Variants in OTUD7A observed in about 807,000 individuals in gnomAD.
OTUD7A encodes the protein OTU deubiquitinase 7A.
A neutral mutation model predicts 65.7 loss-of-function variants in OTUD7A; 12 were observed. That is an observed-to-expected ratio of 0.18 (90% CI 0.12 to 0.30). OTUD7A has a LOEUF of 0.30. Ranked by LOEUF, OTUD7A falls within the 10% of genes least tolerant of loss-of-function variation. The pLI, the probability that OTUD7A is intolerant of heterozygous loss-of-function variation, is 1.00. For synonymous variants in OTUD7A, 641 were observed against 586.3 expected (o/e 1.09, Z -1.35); for missense variants, 1,148 against 1,304.8 (o/e 0.88, Z 1.85).
chr15:31,655,076 G>C lies in OTUD7A; in HGVS notation c.151+20C>G. 6.2e-7 allele frequency: 1 copy of C among 1,610,560 alleles called. No individual in the cohort carries two copies. Among genetic ancestry groups the C allele is most frequent in the Non-Finnish European group, 8.5e-7 (1 of 1,178,542 alleles). ...GTTATGCCCAGAATGGTGGTGTGGG[G>C]AACAAGGAGGTGGGCTTACCTTCCA... On this transcript the variant is annotated intron_variant, in intron 3 of 12. Transcript: ENST00000307050.
chr15:31,633,570 C>G (rs980145940), intron 3 of OTUD7A, among the ~76,000 whole-genome samples: 5 of 152,172 alleles, frequency 3.3e-5, no homozygotes, highest in Non-Finnish European at 7.4e-5. Flanking sequence ...CCTTATATAG[C>G]TGCCTCCTGG....
chr15:31,727,988 G>A (rs1035807093), intron 1 of OTUD7A, among the ~76,000 whole-genome samples: 1 of 152,066 alleles, frequency 6.6e-6, no homozygotes, highest in African/African-American at 2.4e-5. Context: ...TCACCCAAAC[G>A]CCAACACTTT....
intron 1 of OTUD7A, among the ~76,000 whole-genome samples, chr15:31,860,681 A>ATATATATATATATATATATATGTATGTG (rs1897710495): frequency 9.2e-6 from 1 of 108,878 alleles, no homozygotes; most frequent in Admixed American, 9.6e-5. Flanking sequence ...ATGTGTGTAT[A>ATATATATATATATATATATATGTATGTG]TATATATATA....
intron 1 of OTUD7A, among the ~76,000 whole-genome samples, chr15:31,727,701 C>T (rs1189811567): frequency 6.6e-6 from 1 of 152,134 alleles, no homozygotes; most frequent in African/African-American, 2.4e-5. Context: ...GCCCTGTTAC[C>T]AATACTGTGG....
At position 31,754,035 on chromosome 15, in the gene OTUD7A, T is replaced by C. The variant is rs1196617453; in HGVS notation, c.-99-96958A>G. ...CATCCATGCCAACATCTACTATTTT[T>C]TGATTTTTTTGATTATGGCCATTCT... On this transcript the variant is annotated intron_variant, in intron 1 of 12. Transcript: ENST00000307050. Among the ~76,000 whole-genome samples, 7 of 152,168 alleles carry C rather than the reference T, an allele frequency of 4.6e-5. No homozygotes were observed. The East Asian group carries it at 1.4e-3, about 29-fold the overall frequency.
At chr15:31,616,023 T>A (rs1406089599) in intron 3 of OTUD7A, among the ~76,000 whole-genome samples, 2 of 152,168 alleles carry the variant, frequency 1.3e-5, no homozygotes, top group Non-Finnish European at 2.9e-5. Context: ...GGGCCTTTCT[T>A]CTCCCACCCC....
chr15:31,485,532 A>G (rs1595550423), intron 12 of OTUD7A, among the ~76,000 whole-genome samples: 1 of 151,268 alleles, frequency 6.6e-6, no homozygotes, highest in Non-Finnish European at 1.5e-5. Context: ...GATGAGGTCA[A>G]CCAGTCTGAG....
At chr15:31,601,001 A>G (rs1890057126) in intron 3 of OTUD7A, among the ~76,000 whole-genome samples, 1 of 152,162 alleles carries the variant, frequency 6.6e-6, no homozygotes, top group African/African-American at 2.4e-5. Flanking sequence ...ACTCCCACAC[A>G]ATAACAGTGG....
intron 5 of OTUD7A, among the ~76,000 whole-genome samples, chr15:31,551,361 T>C (rs1007613477): frequency 6.6e-6 from 1 of 152,182 alleles, no homozygotes; most frequent in Non-Finnish European, 1.5e-5. Context: ...GAGTGGTCAT[T>C]CCCAACTCCC....
At chr15:31,697,635 T>C (rs954496055) in intron 1 of OTUD7A, among the ~76,000 whole-genome samples, 59 of 152,014 alleles carry the variant, frequency 3.9e-4, no homozygotes, top group African/African-American at 1.4e-3. Context: ...CATTTCTGAG[T>C]GTCTCCTCGT....
intron 1 of OTUD7A, among the ~76,000 whole-genome samples, chr15:31,714,709 C>T (rs2174101): frequency 6.6e-6 from 1 of 151,978 alleles, no homozygotes; most frequent in African/African-American, 2.4e-5. Context: ...AACAGCATTA[C>T]TGGCATTCAG....
At chr15:31,620,215 A>G (rs1350957485) in intron 3 of OTUD7A, among the ~76,000 whole-genome samples, 1 of 151,290 alleles carries the variant, frequency 6.6e-6, no homozygotes, top group Non-Finnish European at 1.5e-5. Flanking sequence ...CAGGGATATT[A>G]GTCTAAAATT....
At chr15:31,610,617 A>ATATATATTTT in intron 3 of OTUD7A, among the ~76,000 whole-genome samples, 2 of 30,558 alleles carry the variant, frequency 6.5e-5, no homozygotes, top group Non-Finnish European at 9.8e-5. Context: ...ATATATATAT[A>ATATATATTTT]TTTTTTTTTT....
At chr15:31,501,072 T>C (rs2041458861) in intron 10 of OTUD7A, among the ~76,000 whole-genome samples, 1 of 152,274 alleles carries the variant, frequency 6.6e-6, no homozygotes, top group South Asian at 2.1e-4. Context: ...CTGAAATGGC[T>C]GCTTAGAGGA....
chr15:31,744,577 T>A (rs916385703), intron 1 of OTUD7A, among the ~76,000 whole-genome samples: 1 of 152,150 alleles, frequency 6.6e-6, no homozygotes, highest in African/African-American at 2.4e-5. Context: ...AGGGCATTTT[T>A]AAAAATTCTA....
intron 10 of OTUD7A, among the ~76,000 whole-genome samples, chr15:31,494,068 A>G (rs1439279751): frequency 1.3e-5 from 2 of 152,366 alleles, no homozygotes; most frequent in Non-Finnish European, 2.9e-5. Flanking sequence ...ATCAGGGCCA[A>G]TGGTGGCAGA....
intron 1 of OTUD7A, among the ~76,000 whole-genome samples, chr15:31,672,000 T>C (rs1327658481): frequency 6.6e-6 from 1 of 152,224 alleles, no homozygotes. Flanking sequence ...GCTCCCACTT[T>C]TAAGTAAGAA....
At chr15:31,550,224 C>T (rs1237288906) in intron 5 of OTUD7A, among the ~76,000 whole-genome samples, 1 of 152,024 alleles carries the variant, frequency 6.6e-6, no homozygotes, top group African/African-American at 2.4e-5. Context: ...AATGTTTTAG[C>T]CCAATAATGA....
At chr15:31,779,885 G>A (rs1245287865) in intron 1 of OTUD7A, among the ~76,000 whole-genome samples, 8 of 152,078 alleles carry the variant, frequency 5.3e-5, no homozygotes, top group Non-Finnish European at 8.8e-5. Flanking sequence ...CAAGGTTCTT[G>A]CCGACCTCAA....
Sources: allele counts gnomAD v4.1 joint callset (sites outside exome capture counted in the v4.1 genomes callset), GRCh38; gene constraint gnomAD v4.1.1; transcripts MANE v1.5; gene names NCBI Gene and HGNC (gene_info 2026-07-23, HGNC 2026-07-21).